Variants in TELO2 observed in about 807,000 individuals in gnomAD.
TELO2 encodes the protein telomere length regulation protein TEL2 homolog.
Under a neutral mutation model 91.0 loss-of-function variants are expected in TELO2, and 71 were observed. The observed-to-expected ratio is 0.78, with a 90% CI of 0.64 to 0.95. The LOEUF (loss-of-function observed/expected upper bound fraction) is 0.95, where lower values mean the gene tolerates loss of function less well. Ranked by LOEUF, TELO2 falls within the 40% of genes least tolerant of loss-of-function variation. TELO2 has a pLI of 0.00. For synonymous variants in TELO2, 584 were observed against 518.9 expected (o/e 1.13, Z -1.71); for missense variants, 1,183 against 1,141.3 (o/e 1.04, Z -0.53).
At chr16:1,502,834 C>G (rs1318645163) in intron 14 of TELO2, 73 bp downstream of exon 14, 72 of 1,602,236 alleles carry the variant, frequency 4.5e-5, no homozygotes, top group Non-Finnish European at 5.9e-5. Flanking sequence ...GTGCCTGAGT[C>G]TCGGTCCTGT....
At chr16:1,507,076 G>A (rs758600923) in intron 18 of TELO2, 25 bp downstream of exon 18, 148 of 1,577,268 alleles carry the variant, frequency 9.4e-5, no homozygotes, top group Non-Finnish European at 1.2e-4. Flanking sequence ...GTCGCCGGGC[G>A]CCGGCCTGTG....
chr16:1,498,528 C>G (rs1360625727), intron 5 of TELO2, among the ~76,000 whole-genome samples: 1 of 152,126 alleles, frequency 6.6e-6, no homozygotes, highest in Non-Finnish European at 1.5e-5. Flanking sequence ...GCCTCGACCT[C>G]CTGGGCTCCA....
chr16:1,497,455 G>A lies in TELO2; in HGVS notation c.777G>A (p.Val259=). 6.4e-7 allele frequency: 1 copy of A among 1,572,008 alleles called. No homozygotes were observed. Among genetic ancestry groups the A allele is most frequent in the Non-Finnish European group, 8.6e-7 (1 of 1,160,326 alleles). ...TCTGCTGGCGCCTGGTGGAGCAAGTGCCGGACCGGGCCATGGAGGCTGTGC... is the reference window on the plus strand; with the variant it reads ...TCTGCTGGCGCCTGGTGGAGCAAGTACCGGACCGGGCCATGGAGGCTGTGC... The part of the protein sequence containing the change: ...QRVCWRLVEQ[V]PDRAMEAVLT... Residue 259 remains valine (V), a synonymous_variant, in exon 5 of 21, where the codon GTG becomes GTA. Transcript: ENST00000262319. The surrounding 1 kb of genome is among the most constrained non-coding windows in gnomAD (Gnocchi z 4.0).
chr16:1,501,249 G>A (rs563773355), intron 9 of TELO2, among the ~76,000 whole-genome samples, 171 bp from the exon 10 acceptor site: 1 of 152,336 alleles, frequency 6.6e-6, no homozygotes, highest in Admixed American at 6.5e-5. Context: ...TTGGCCTGAG[G>A]TGGAATCTTA....
Position 1,497,650 on chromosome 16 carries a change from C to T in TELO2, c.830+142C>T. 8.7e-7 allele frequency: 1 copy of T among 1,155,322 alleles called. No homozygotes were observed. Among genetic ancestry groups the T allele is most frequent in the Non-Finnish European group, 1.2e-6 (1 of 846,024 alleles). 71.6% of individuals were successfully genotyped at this position (1,155,322 alleles called of 1,614,324 possible). On this transcript the variant is annotated intron_variant, in intron 5 of 20. Coordinates refer to ENST00000262319, the MANE Select transcript of TELO2 (RefSeq NM_016111.4). The surrounding 1 kb of genome is among the most constrained non-coding windows in gnomAD (Gnocchi z 4.0). Reference sequence around the variant, plus strand: ...AGGTGCCACAGGGTGTGGGTGGTGCCCTCTCAGTTCCCGCACGTGCTGATG... The same window carrying T: ...AGGTGCCACAGGGTGTGGGTGGTGCTCTCTCAGTTCCCGCACGTGCTGATG...
Position 1,497,443 on chromosome 16 carries a change from G to A in TELO2, c.765G>A (p.Leu255=), listed in dbSNP as rs1173695834. The change falls in exon 5 of 21, where the codon CTG becomes CTA. Residue 255 remains leucine, a synonymous_variant. Coordinates refer to ENST00000262319, the MANE Select transcript of TELO2 (RefSeq NM_016111.4). This position sits in a 1 kb window ranked among gnomAD's most constrained non-coding sequence, Gnocchi z 4.0. ...SYLHQRVCWR[L]VEQVPDRAME... ...TGCACCAGCGCGTCTGCTGGCGCCT[G>A]GTGGAGCAAGTGCCGGACCGGGCCA... 2.6e-6 allele frequency: 4 copies of A among 1,568,012 alleles called. No homozygotes were observed. The South Asian group carries it at 4.7e-5, about 18-fold the overall frequency.
intron 3 of TELO2, among the ~76,000 whole-genome samples, chr16:1,495,898 G>A (rs1391418720): frequency 6.6e-6 from 1 of 152,212 alleles, no homozygotes; most frequent in Non-Finnish European, 1.5e-5. Context: ...GGGGGATCTC[G>A]AGGTTCTCAG....
Position 1,500,587 on chromosome 16 carries a change from G to C in TELO2, c.1169G>C (p.Gly390Ala). 6.2e-7 allele frequency: 1 copy of C among 1,611,988 alleles called. No individual in the cohort carries two copies. The highest frequency in any genetic ancestry group is 2.2e-5 in the East Asian group (1 of 44,862). ...RDELLASMMA[G>A]VKCRLDSSLP... is the part of the protein sequence containing the mutation. ...GAACTGCTGGCCAGCATGATGGCGG[G>C]CGTGAAGTGCCGCCTGGACAGTAGC... The change falls in exon 9 of 21, where the codon GGC (glycine) becomes GCC (alanine). Residue 390 changes from glycine to alanine, a missense_variant. Gly to Ala is a moderately conservative substitution (Grantham distance 60). Transcript: ENST00000262319.
Position 1,494,113 on chromosome 16 carries a change from G to T in TELO2, c.-36-133G>T, listed in dbSNP as rs2039395349. ...GGTGGAAACCGGCAGGCACTGGAGG[G>T]GAAGGAGGCGGGACAGGGTTGGGTG... On this transcript the variant is annotated intron_variant, in intron 1 of 20. Transcript: ENST00000262319. This position sits in a 1 kb window ranked among gnomAD's most constrained non-coding sequence, Gnocchi z 5.6. The T allele has an allele frequency of 4.8e-6, 3 of 626,226 alleles. No homozygotes were observed. Among genetic ancestry groups the T allele is most frequent in the Non-Finnish European group, 8.3e-6 (3 of 360,470 alleles). 38.8% of individuals were successfully genotyped at this position (626,226 alleles called of 1,614,324 possible).
Position 1,495,466 on chromosome 16 carries a change from C to T in TELO2, c.456C>T (p.Leu152=), listed in dbSNP as rs138680627. 5.6e-5 allele frequency: 90 copies of T among 1,609,730 alleles called. No individual in the cohort carries two copies. In the African/African-American group the frequency reaches 1.0e-3, roughly 18 times the overall value. ...AGACGCAGCCCGGCTTCATCCTGCT[C>T]CGGGAGACGCTGCTGGGCAAGGTGG... ...RQQTQPGFIL[L]RETLLGKVVA... is the part of the protein sequence containing the mutation. The change falls in exon 3 of 21, where the codon CTC becomes CTT. Residue 152 remains leucine, a synonymous_variant. Coordinates refer to ENST00000262319, the MANE Select transcript of TELO2 (RefSeq NM_016111.4).
At chr16:1,508,002 C>A (rs1360699465) in intron 20 of TELO2, among the ~76,000 whole-genome samples, 1 of 149,920 alleles carries the variant, frequency 6.7e-6, no homozygotes, top group African/African-American at 2.5e-5. Flanking sequence ...AGTGTGCAGG[C>A]CGGAGGTGCA....
chr16:1,509,217 C>T (rs73495695), intron 20 of TELO2, among the ~76,000 whole-genome samples: 14,324 of 152,236 alleles, frequency 0.094, 907 homozygotes, highest in African/African-American at 0.16. Context: ...CCTTTCCACT[C>T]GGCTGGCGGG....
rs949203353 is a variant in TELO2 at position 1,494,931 on chromosome 16, C to G, written c.335+315C>G. On this transcript the variant is annotated intron_variant, in intron 2 of 20. Transcript: ENST00000262319. This position sits in a 1 kb window ranked among gnomAD's most constrained non-coding sequence, Gnocchi z 5.6. ...ACGTTCCAGGTTTTCCAGGGAAGCA[C>G]AGCTGTCATCACTGACACGTGTCCC... Among the ~76,000 whole-genome samples the G allele has an allele frequency of 6.6e-6, 1 of 152,210 alleles. No homozygotes were observed. The highest frequency in any genetic ancestry group is 1.5e-5 in the Non-Finnish European group (1 of 68,036).
chr16:1,501,810 A>T, intron 11 of TELO2, 37 bp downstream of exon 11: 1 of 1,585,848 alleles, frequency 6.3e-7, no homozygotes, highest in Non-Finnish European at 8.6e-7. Flanking sequence ...AGCGTGCAGG[A>T]GGCCGGGAGG....
At position 1,507,349 on chromosome 16, in the gene TELO2, C is replaced by A; in HGVS notation, c.2270C>A (p.Ala757Asp). The change falls in exon 19 of 21, where the codon GCC becomes GAC. Residue 757 changes from alanine to aspartate, a missense_variant. By Grantham distance (126) the Ala-to-Asp change is moderately radical. Transcript: ENST00000262319. ...AAGGCCCTGCTGGAATTCGTGTGGGCCCTTCGCTTCCACATCGATGCGTGA... is the reference window on the plus strand; with the variant it reads ...AAGGCCCTGCTGGAATTCGTGTGGGACCTTCGCTTCCACATCGATGCGTGA... ...MGKALLEFVW[A>D]LRFHIDAYVR... is the part of the protein sequence containing the mutation. 1.9e-6 allele frequency: 3 copies of A among 1,610,944 alleles called. No homozygotes were observed. The highest frequency in any genetic ancestry group is 2.5e-6 in the Non-Finnish European group (3 of 1,179,906).
Position 1,498,585 on chromosome 16 carries a change from C to T in TELO2, c.831-646C>T, listed in dbSNP as rs772670241. Among the ~76,000 whole-genome samples, 7 of 152,096 alleles carry T rather than the reference C, an allele frequency of 4.6e-5. No individual in the cohort carries two copies. The East Asian group carries it at 7.7e-4, about 17-fold the overall frequency. ...CCTGAGTAGCGGGAACACAGGTGCG[C>T]GCTATCATACCCAGCTAATTTTTAA... On this transcript the variant is annotated intron_variant, in intron 5 of 20. Coordinates refer to ENST00000262319, the MANE Select transcript of TELO2 (RefSeq NM_016111.4).
chr16:1,499,887 A>G (rs954406257), intron 6 of TELO2, among the ~76,000 whole-genome samples: 5 of 152,184 alleles, frequency 3.3e-5, no homozygotes, highest in Non-Finnish European at 5.9e-5. Context: ...GTTCAAAGGA[A>G]TAGAGGCGGG....
Position 1,502,742 on chromosome 16 carries a change from C to T in TELO2, c.1751C>T (p.Thr584Met), listed in dbSNP as rs774683465. Residue 584 changes from threonine to methionine, a missense_variant, in exon 14 of 21, where the codon ACG (threonine) becomes ATG (methionine). Thr to Met is a moderately conservative substitution (Grantham distance 81). Transcript: ENST00000262319. ...CGCCAGAGAGCCCTGGTGGCCGTCA[C>T]GGTCACAGACCCGGCCCCGGTGAGT... is the stretch of plus-strand genomic sequence containing the variant. Reference protein sequence around the residue: ...GLRQRALVAVTVTDPAPVADY... With the variant: ...GLRQRALVAVMVTDPAPVADY... 1.9e-5 allele frequency: 30 copies of T among 1,612,032 alleles called. No individual in the cohort carries two copies. The highest frequency in any genetic ancestry group is 1.5e-4 in the Admixed American group (9 of 60,008).
rs536688109 is a variant in TELO2 at position 1,506,581 on chromosome 16, C to G, written c.2126+252C>G. On this transcript the variant is annotated intron_variant, in intron 17 of 20. Coordinates refer to ENST00000262319, the MANE Select transcript of TELO2 (RefSeq NM_016111.4). Reference sequence around the variant, plus strand: ...TTGTGGCATGGCCGGCAGTGCCGCCCGCACGTGCCCGACGCCATCACCTGC... The same window carrying G: ...TTGTGGCATGGCCGGCAGTGCCGCCGGCACGTGCCCGACGCCATCACCTGC... The G allele has an allele frequency of 2.1e-6, 3 of 1,407,416 alleles. No individual in the cohort carries two copies. The African/African-American group carries it at 4.3e-5, about 20-fold the overall frequency. 87.2% of individuals were successfully genotyped at this position (1,407,416 alleles called of 1,614,324 possible).
Sources: gnomAD v4.1 joint callset for allele counts (sites outside exome capture counted in the v4.1 genomes callset) on GRCh38, gnomAD v4.1.1 for gene constraint, Gnocchi (gnomAD v3.1) non-coding constraint, MANE v1.5 for transcripts, NCBI Gene and HGNC (gene_info 2026-07-23, HGNC 2026-07-21) for gene names.